The following FLT1 variants were observed in gnomAD, a reference collection of about 807,000 sequenced individuals.
FLT1 encodes fms related receptor tyrosine kinase 1.
Under a neutral mutation model 156.3 loss-of-function variants are expected in FLT1, and 49 were observed. That is an observed-to-expected ratio of 0.31 (90% CI 0.25 to 0.40). The LOEUF is 0.40. Ranked by LOEUF, FLT1 falls within the 10% of genes least tolerant of loss-of-function variation. FLT1 has a pLI of 1.00. For missense variants in FLT1, 1,322 were observed against 1,637.2 expected (o/e 0.81, Z 3.32); for synonymous variants, 594 against 583.8 (o/e 1.02, Z -0.25).
At chr13:28,327,784 A>G (rs74334522) in intron 19 of FLT1, among the ~76,000 whole-genome samples, 1,499 of 144,652 alleles carry the variant, frequency 0.01, 30 homozygotes, top group African/African-American at 0.036. Flanking sequence ...AAAGGAGGTG[A>G]GGGGCAGTGC....
In FLT1 at chr13:28,324,285, C is replaced by T. The variant is rs146796113; in HGVS notation, c.2797-1339G>A. Among the ~76,000 whole-genome samples, 285 of 152,286 alleles carry T rather than the reference C, an allele frequency of 1.9e-3. 2 individuals carry two copies. The highest frequency in any genetic ancestry group is 6.4e-3 in the African/African-American group (267 of 41,546). ...GAGAGGGACTGGAGTTCAGTGGTGT[C>T]CCTTGATCCATTTGCATGGTGTGGC... On this transcript the variant is annotated intron_variant, in intron 20 of 29. Coordinates refer to ENST00000282397, the MANE Select transcript of FLT1 (RefSeq NM_002019.4).
At chr13:28,407,782 AAGTAG>A (rs1453222053) in intron 10 of FLT1, among the ~76,000 whole-genome samples, 1 of 152,212 alleles carries the variant, frequency 6.6e-6, no homozygotes. Context: ...GCTTATTGAT[AAGTAG>A]AGTAAACTGA....
At chr13:28,489,991 T>C (rs925573867) in intron 1 of FLT1, among the ~76,000 whole-genome samples, 22 of 152,218 alleles carry the variant, frequency 1.4e-4, no homozygotes, top group African/African-American at 5.3e-4. Context: ...TGTAATAATG[T>C]TAGTCAATAA....
At chr13:28,317,743 C>T in intron 24 of FLT1, 146 bp from the exon 25 acceptor site, 5 of 686,668 alleles carry the variant, frequency 7.3e-6, no homozygotes, top group Non-Finnish European at 1.1e-5. Flanking sequence ...TCTCAACATA[C>T]CGTACAACAC....
chr13:28,362,083 A>T (rs1385606031), intron 14 of FLT1, among the ~76,000 whole-genome samples: 1 of 152,234 alleles, frequency 6.6e-6, no homozygotes, highest in Non-Finnish European at 1.5e-5. Context: ...GAAGAAATGG[A>T]AACAGATACT....
intron 6 of FLT1, among the ~76,000 whole-genome samples, chr13:28,432,317 A>AATAG (rs1877742171): frequency 6.6e-6 from 1 of 152,110 alleles, no homozygotes; most frequent in South Asian, 2.1e-4. Context: ...TCCCCATTGG[A>AATAG]ACAGACAGAC....
In FLT1 at chr13:28,344,607, A is replaced by G. The variant is rs567403186; in HGVS notation, c.2355+838T>C. 3.9e-5 allele frequency among the ~76,000 whole-genome samples: 6 copies of G among 152,182 alleles called. No homozygotes were observed. The South Asian group carries it at 1.2e-3, about 32-fold the overall frequency. ...ATGAATAAATGTAAGCTCTTTTCCC[A>G]CTGGATTTCAGAGAAGCAGATCATA... On this transcript the variant is annotated intron_variant, in intron 16 of 29. Coordinates refer to ENST00000282397, the MANE Select transcript of FLT1 (RefSeq NM_002019.4).
intron 23 of FLT1, 132 bp downstream of exon 23, chr13:28,321,331 G>A (rs867329706): frequency 5.4e-5 from 60 of 1,118,020 alleles, no homozygotes; most frequent in Middle Eastern, 2.9e-4. Context: ...CGCTCATCTG[G>A]ACTGTTTGTC....
chr13:28,393,507 C>T (rs894838493), intron 12 of FLT1, among the ~76,000 whole-genome samples: 31 of 152,254 alleles, frequency 2.0e-4, no homozygotes, highest in African/African-American at 7.2e-4. Context: ...GGAGTCGAAG[C>T]GGTCAAGGAT....
chr13:28,315,624 TAA>T (rs1300686380), intron 25 of FLT1, among the ~76,000 whole-genome samples: 1 of 136,136 alleles, frequency 7.3e-6, no homozygotes, highest in African/African-American at 3.7e-5. Flanking sequence ...GAAGTAAAAA[TAA>T]AACTTAATTT....
At chr13:28,324,327 C>T (rs964378250) in intron 20 of FLT1, among the ~76,000 whole-genome samples, 9 of 152,110 alleles carry the variant, frequency 5.9e-5, no homozygotes, top group African/African-American at 1.2e-4. Context: ...AGGATTAACC[C>T]GCGTACCCCA....
chr13:28,352,245 A>G (rs1872754427), intron 15 of FLT1, among the ~76,000 whole-genome samples: 1 of 152,182 alleles, frequency 6.6e-6, no homozygotes, highest in African/African-American at 2.4e-5. Context: ...TTGAGCCTAG[A>G]TTCTCCCTTT....
chr13:28,316,487 G>A (rs1871209955), intron 25 of FLT1, among the ~76,000 whole-genome samples: 1 of 152,202 alleles, frequency 6.6e-6, no homozygotes, highest in South Asian at 2.1e-4. Flanking sequence ...AGGCCTCAAA[G>A]TGCAAAACAT....
chr13:28,425,702 T>G (rs1877297025), intron 10 of FLT1, among the ~76,000 whole-genome samples: 1 of 152,188 alleles, frequency 6.6e-6, no homozygotes, highest in Non-Finnish European at 1.5e-5. Flanking sequence ...TACACTTTTA[T>G]CCGAATCTAA....
chr13:28,408,347 C>A (rs1391366085), intron 10 of FLT1, among the ~76,000 whole-genome samples: 4 of 152,190 alleles, frequency 2.6e-5, no homozygotes, highest in Non-Finnish European at 5.9e-5. Flanking sequence ...AGGGCACAAG[C>A]CCTAGTATGG....
chr13:28,441,718 A>C (rs1455582431), intron 3 of FLT1, among the ~76,000 whole-genome samples: 3 of 152,156 alleles, frequency 2.0e-5, no homozygotes, highest in African/African-American at 7.2e-5. Flanking sequence ...AGGCAGGAGG[A>C]TCACTTGAGG....
chr13:28,468,015 C>A (rs1338732899), intron 1 of FLT1, among the ~76,000 whole-genome samples: 1 of 152,158 alleles, frequency 6.6e-6, no homozygotes, highest in African/African-American at 2.4e-5. Flanking sequence ...ATTTTCAATA[C>A]TGAACTTTTT....
At chr13:28,389,146 T>TAA (rs5802479) in intron 13 of FLT1, 17 of 1,001,444 alleles carry the variant, frequency 1.7e-5, no homozygotes, top group East Asian at 1.1e-4. Context: ...GTGCTTAACG[T>TAA]AAAAAAAAAA....
chr13:28,411,726 G>A (rs1000104756), intron 10 of FLT1, among the ~76,000 whole-genome samples: 1 of 152,088 alleles, frequency 6.6e-6, no homozygotes, highest in African/African-American at 2.4e-5. Flanking sequence ...GGACAGGAGT[G>A]TGGGTGAGTG....
Sources: gnomAD v4.1 joint callset for allele counts (sites outside exome capture counted in the v4.1 genomes callset) on GRCh38, gnomAD v4.1.1 for gene constraint, MANE v1.5 for transcripts, NCBI Gene and HGNC (gene_info 2026-07-23, HGNC 2026-07-21) for gene names.